Variants in KDM6A observed in about 807,000 individuals in gnomAD.
The protein encoded by KDM6A is lysine-specific demethylase 6A.
KDM6A carries 11 observed loss-of-function variants against 117.6 expected under a neutral mutation model. That is an observed-to-expected ratio of 0.09 (90% CI 0.06 to 0.15). The LOEUF is 0.15. Among genes scored for constraint, KDM6A ranks in the 10% least tolerant of loss-of-function variants. The pLI, the probability that KDM6A is intolerant of heterozygous loss-of-function variation, is 1.00. For missense variants in KDM6A, 799 were observed against 1,077.3 expected (o/e 0.74, Z 3.62); for synonymous variants, 384 against 396.1 (o/e 0.97, Z 0.36).
intron 2 of KDM6A, among the ~76,000 whole-genome samples, chrX:44,907,023 T>C (rs1032347317): frequency 9.0e-6 from 1 of 110,876 alleles, no homozygotes; most frequent in African/African-American, 3.3e-5. Context: ...AGGTAACCTT[T>C]CCCCCCCACT....
At chrX:45,019,260 A>G (rs1475431232) in intron 5 of KDM6A, among the ~76,000 whole-genome samples, 1 of 111,167 alleles carries the variant, frequency 9.0e-6, no homozygotes, top group African/African-American at 3.3e-5. Context: ...ACATCAGATA[A>G]TAACACACAT....
chrX:45,095,668 G>A (rs1603013249), intron 27 of KDM6A, among the ~76,000 whole-genome samples: 1 of 111,262 alleles, frequency 9.0e-6, no homozygotes, highest in African/African-American at 3.3e-5. Flanking sequence ...TTAATAAATG[G>A]TTTTCCCTTG....
intron 2 of KDM6A, among the ~76,000 whole-genome samples, chrX:44,956,211 G>T (rs755053652): frequency 8.9e-6 from 1 of 111,937 alleles, no homozygotes; most frequent in South Asian, 3.7e-4. Flanking sequence ...TACCAAACTT[G>T]TAGCCCTCTT....
Position 44,960,970 on chromosome X carries a change from C to A in KDM6A, c.226-314C>A, listed in dbSNP as rs17244990. ...GCAGTTTTGTTTATATCAACAGGGA[C>A]CACAGTAATAATTTAGACTTTCAAC... is the stretch of plus-strand genomic sequence containing the variant. On this transcript the variant is annotated intron_variant, in intron 2 of 29. Coordinates refer to ENST00000611820, the MANE Select transcript of KDM6A (RefSeq NM_001291415.2). Among the ~76,000 whole-genome samples, 1,160 of 111,620 alleles carry A rather than the reference C, an allele frequency of 0.01. 35 individuals carry two copies. The highest frequency in any genetic ancestry group is 0.074 in the Admixed American group (776 of 10,481).
intron 2 of KDM6A, among the ~76,000 whole-genome samples, chrX:44,935,842 G>A (rs192224087): frequency 4.9e-4 from 55 of 111,930 alleles, no homozygotes; most frequent in African/African-American, 1.7e-3. Context: ...TGACATAGAA[G>A]GATATTGCGC....
intron 2 of KDM6A, among the ~76,000 whole-genome samples, chrX:44,882,320 C>T (rs1417317540): frequency 2.7e-5 from 3 of 111,932 alleles, no homozygotes; most frequent in Admixed American, 9.6e-5. Flanking sequence ...GCCCCTCACT[C>T]ATGTTATTTT....
intron 4 of KDM6A, among the ~76,000 whole-genome samples, chrX:45,010,176 A>T (rs1442940804): frequency 9.0e-6 from 1 of 110,764 alleles, no homozygotes; most frequent in East Asian, 2.8e-4. Flanking sequence ...GTTTTTGAAA[A>T]TAAGGAGTAG....
chrX:44,905,747 T>A (rs2146726471), intron 2 of KDM6A, among the ~76,000 whole-genome samples: 1 of 112,614 alleles, frequency 8.9e-6, no homozygotes, highest in African/African-American at 3.2e-5. Context: ...ATTGCTTTTT[T>A]AACTTCATAA....
rs752189748 is a variant in KDM6A at position 45,004,357 on chromosome X, A to G, written c.385-6604A>G. ...TGGAGCCATCTGTTGGAAGGTAGAAAACGTAAGTTTTGTCTTTTGTTTCTG... is the reference window on the plus strand; with the variant it reads ...TGGAGCCATCTGTTGGAAGGTAGAAGACGTAAGTTTTGTCTTTTGTTTCTG... On this transcript the variant is annotated intron_variant, in intron 4 of 29. Transcript: ENST00000611820. Among the ~76,000 whole-genome samples, 17 of 111,439 alleles carry G rather than the reference A, an allele frequency of 1.5e-4. No homozygotes were observed. In the East Asian group the frequency reaches 4.9e-3, roughly 32 times the overall value.
intron 2 of KDM6A, among the ~76,000 whole-genome samples, chrX:44,889,795 A>G (rs1180480927): frequency 8.9e-6 from 1 of 112,521 alleles, no homozygotes; most frequent in Non-Finnish European, 1.9e-5. Flanking sequence ...CAGATTGGAT[A>G]TCATGCATAT....
intron 4 of KDM6A, among the ~76,000 whole-genome samples, chrX:44,999,878 G>A (rs956724405): frequency 3.6e-5 from 4 of 111,329 alleles, no homozygotes; most frequent in Admixed American, 1.9e-4. Context: ...CACCCATTAC[G>A]GCTGCGAGGG....
chrX:45,110,434 G>A (rs192623020), intron 29 of KDM6A, among the ~76,000 whole-genome samples, 185 bp downstream of exon 29: 138 of 111,323 alleles, frequency 1.2e-3, no homozygotes, highest in African/African-American at 4.4e-3. Flanking sequence ...CTATAAAATT[G>A]GCATATATCA....
At chrX:44,924,275 G>A (rs1162396036) in intron 2 of KDM6A, among the ~76,000 whole-genome samples, 1 of 111,349 alleles carries the variant, frequency 9.0e-6, no homozygotes, top group East Asian at 2.8e-4. Context: ...TTGATTCCTG[G>A]TACACACTCC....
At chrX:45,080,252 G>GTTC (rs202243238) in intron 21 of KDM6A, among the ~76,000 whole-genome samples, 1,661 of 111,204 alleles carry the variant, frequency 0.015, 17 homozygotes, top group Non-Finnish European at 0.022. Context: ...AAACATTAGT[G>GTTC]TTCTTCTTAC....
rs141783513 is a variant in KDM6A at position 44,875,742 on chromosome X, C to T, written c.225+1755C>T. Among the ~76,000 whole-genome samples the T allele has an allele frequency of 5.5e-3, 615 of 111,310 alleles. 3 individuals are homozygous for T. Among genetic ancestry groups the T allele is most frequent in the African/African-American group, 0.018 (566 of 30,662 alleles). On this transcript the variant is annotated intron_variant, in intron 2 of 29. Transcript: ENST00000611820. ...AATAAAATTGCTTGCAAAGATAATT[C>T]ACGTGGAAAAGTTTGGCCAAATCGA...
At chrX:45,052,343 T>G (rs2043889298) in intron 9 of KDM6A, among the ~76,000 whole-genome samples, 1 of 111,975 alleles carries the variant, frequency 8.9e-6, no homozygotes, top group South Asian at 3.7e-4. Context: ...TGAGTCATGT[T>G]TCTTGTTTGT....
chrX:44,873,891 G>A, intron 1 of KDM6A, 33 bp from the exon 2 acceptor site: 2 of 1,196,458 alleles, frequency 1.7e-6, no homozygotes, highest in Non-Finnish European at 2.3e-6. Flanking sequence ...CGTTCCCTGA[G>A]CGTTAACGAG....
chrX:44,886,303 C>A (rs936999356), intron 2 of KDM6A, among the ~76,000 whole-genome samples: 1 of 110,623 alleles, frequency 9.0e-6, no homozygotes, highest in Non-Finnish European at 1.9e-5. Context: ...CCGCCTTGGC[C>A]CCCCAAAGTG....
chrX:45,008,828 T>C (rs1401678631), intron 4 of KDM6A, among the ~76,000 whole-genome samples: 1 of 111,944 alleles, frequency 8.9e-6, no homozygotes, highest in Non-Finnish European at 1.9e-5. Context: ...ATGGATGTTG[T>C]CTGAGACCTT....
Sources: gnomAD v4.1 joint callset for allele counts (sites outside exome capture counted in the v4.1 genomes callset) on GRCh38, gnomAD v4.1.1 for gene constraint, MANE v1.5 for transcripts, NCBI Gene and HGNC (gene_info 2026-07-23, HGNC 2026-07-21) for gene names.